PRKDC: variants seen among roughly 807,000 people sequenced by gnomAD.
PRKDC encodes DNA-dependent protein kinase catalytic subunit.
In PRKDC, 82 loss-of-function variants were observed where a neutral mutation model predicts 486.9. That is an observed-to-expected ratio of 0.17 (90% CI 0.14 to 0.20). The LOEUF (loss-of-function observed/expected upper bound fraction) is 0.20, where lower values mean the gene tolerates loss of function less well. PRKDC is among the 10% of genes least tolerant of loss of function. The probability of loss-of-function intolerance (pLI) is 1.00; values close to 1 mark genes in which losing one functional copy is unlikely to be tolerated. For synonymous variants in PRKDC, 1,895 were observed against 1,837.0 expected, an observed-to-expected ratio of 1.03 and a Z score of -0.81; for missense variants, 4,504 against 5,038.2, an observed-to-expected ratio of 0.89 and a Z score of 3.21.
rs527705630 is a variant in PRKDC at position 47,837,467 on chromosome 8, G to A, written c.7554-48C>T. Reference sequence around the variant, plus strand: ...TATATTGCTTAGACAATGGCAAATGGGAAAGAATGTGCTGTACAGGGTGTC... The same window carrying A: ...TATATTGCTTAGACAATGGCAAATGAGAAAGAATGTGCTGTACAGGGTGTC... On this transcript the variant is annotated intron_variant, in intron 56 of 85. Transcript: ENST00000314191. 15 of 1,436,570 alleles carry A rather than the reference G, an allele frequency of 1.0e-5. No homozygotes were observed. In the African/African-American group the frequency reaches 2.1e-4, roughly 20 times the overall value. The allele number at this position is 1,436,570 out of a possible 1,614,324, so 89.0% of individuals were successfully genotyped here. A position where few individuals can be genotyped will look rare whatever the true frequency, so the allele number is the denominator to read the frequency against.
chr8:47,934,153 G>T, intron 14 of PRKDC, 63 bp from the exon 15 acceptor site: 2 of 1,500,380 alleles, frequency 1.3e-6, no homozygotes, highest in Non-Finnish European at 1.8e-6. Context: ...ACTGCTGCCA[G>T]AACATGCTGG....
chr8:47,888,494 G>A (rs1350869075), intron 34 of PRKDC, 24 bp downstream of exon 34: 1 of 1,478,946 alleles, frequency 6.8e-7, no homozygotes, highest in East Asian at 2.5e-5. Context: ...TAAAATAAAT[G>A]TAAAAACAAT....
At chr8:47,826,623 TGTGCTC>T in intron 63 of PRKDC, 27 bp downstream of exon 63, 1 of 1,577,282 alleles carries the variant, frequency 6.3e-7, no homozygotes, top group Non-Finnish European at 8.7e-7. Context: ...TCAAATCCAG[TGTGCTC>T]CCAAGAGCAC....
chr8:47,959,654 G>T (rs998295938), intron 1 of PRKDC, among the ~76,000 whole-genome samples: 8 of 151,814 alleles, frequency 5.3e-5, no homozygotes, highest in Admixed American at 5.2e-4. Flanking sequence ...ACTCCAGCCT[G>T]GGCGACAGAG....
chr8:47,935,637 A>C, intron 13 of PRKDC, 95 bp downstream of exon 13: 1 of 1,368,368 alleles, frequency 7.3e-7, no homozygotes. Context: ...TGTCAAAGAT[A>C]CAAAAGAATT....
chr8:47,809,517 G>A (rs1470122258), intron 68 of PRKDC, among the ~76,000 whole-genome samples: 1 of 152,216 alleles, frequency 6.6e-6, no homozygotes, highest in African/African-American at 2.4e-5. Flanking sequence ...TCCTTGGGCT[G>A]TGAAGGGTGC....
intron 7 of PRKDC, among the ~76,000 whole-genome samples, 170 bp from the exon 8 acceptor site, chr8:47,944,199 T>C (rs2090492094): frequency 6.6e-6 from 1 of 152,208 alleles, no homozygotes; most frequent in South Asian, 2.1e-4. Flanking sequence ...GCTGCACGGT[T>C]ATGACTGCGA....
At chr8:47,794,242 A>G (rs1157040943) in intron 74 of PRKDC, 48 bp downstream of exon 74, 12 of 1,474,946 alleles carry the variant, frequency 8.1e-6, no homozygotes, top group Non-Finnish European at 1.1e-5. Context: ...CCACATTTTT[A>G]TAACCTATAG....
chr8:47,790,008 A>T (rs953045607), intron 74 of PRKDC, among the ~76,000 whole-genome samples: 6 of 152,334 alleles, frequency 3.9e-5, no homozygotes, highest in African/African-American at 1.4e-4. Flanking sequence ...AAGATCTTGA[A>T]CATGTTAAGG....
chr8:47,844,905 C>T (rs372879159), intron 54 of PRKDC, among the ~76,000 whole-genome samples: 3 of 152,176 alleles, frequency 2.0e-5, no homozygotes, highest in African/African-American at 4.8e-5. Flanking sequence ...AATCAAACAT[C>T]GCATATAAAC....
intron 1 of PRKDC, among the ~76,000 whole-genome samples, chr8:47,958,532 G>C (rs1414147873): frequency 2.0e-5 from 3 of 152,154 alleles, no homozygotes; most frequent in Non-Finnish European, 4.4e-5. Context: ...AATCTCTCAA[G>C]TGAAAGGAGA....
intron 71 of PRKDC, 56 bp downstream of exon 71, chr8:47,800,737 A>G: frequency 6.8e-7 from 1 of 1,464,582 alleles, no homozygotes; most frequent in Non-Finnish European, 9.2e-7. Context: ...TAGCCTGAAC[A>G]CTGCACATTG....
At chr8:47,801,060 T>C in intron 70 of PRKDC, 74 bp from the exon 71 acceptor site, 2 of 1,380,934 alleles carry the variant, frequency 1.4e-6, no homozygotes, top group Non-Finnish European at 2.0e-6. Context: ...AAATTCATTG[T>C]CTATAGAAGT....
At chr8:47,924,578 A>AT in intron 21 of PRKDC, among the ~76,000 whole-genome samples, 1 of 152,032 alleles carries the variant, frequency 6.6e-6, no homozygotes. Flanking sequence ...AATAATAATA[A>AT]TAAAAAAAAG....
intron 60 of PRKDC, among the ~76,000 whole-genome samples, chr8:47,831,501 G>T (rs566218729): frequency 1.3e-5 from 2 of 152,278 alleles, no homozygotes; most frequent in East Asian, 3.9e-4. Context: ...CCGCCGCATT[G>T]GTCCCTGAAG....
chr8:47,846,755 C>T (rs2088274014), intron 54 of PRKDC, among the ~76,000 whole-genome samples: 1 of 151,986 alleles, frequency 6.6e-6, no homozygotes, highest in African/African-American at 2.4e-5. Context: ...CCCAGAAAAC[C>T]CTAAAGACTC....
intron 54 of PRKDC, among the ~76,000 whole-genome samples, chr8:47,844,930 C>T (rs748768619): frequency 2.6e-5 from 4 of 152,070 alleles, no homozygotes; most frequent in Admixed American, 6.6e-5. Flanking sequence ...AAAATAAGAA[C>T]AAACCAAGTC....
intron 76 of PRKDC, among the ~76,000 whole-genome samples, chr8:47,787,216 A>G (rs2086805986): frequency 6.6e-6 from 1 of 152,228 alleles, no homozygotes; most frequent in Admixed American, 6.5e-5. Flanking sequence ...ATCTCTAATT[A>G]GAAATGTTTT....
intron 12 of PRKDC, 21 bp downstream of exon 12, chr8:47,936,332 T>G (rs1303017202): frequency 2.0e-5 from 32 of 1,576,362 alleles, no homozygotes; most frequent in Non-Finnish European, 2.8e-5. Flanking sequence ...CTTAAAATTG[T>G]GCTCAGTTTA....
Sources: gnomAD v4.1 joint callset for allele counts (sites outside exome capture counted in the v4.1 genomes callset) on GRCh38, gnomAD v4.1.1 for gene constraint, MANE v1.5 for transcripts, NCBI Gene and HGNC (gene_info 2026-07-23, HGNC 2026-07-21) for gene names.